Variants in SMYD3 observed in about 807,000 individuals in gnomAD.
The protein encoded by SMYD3 is histone-lysine N-methyltransferase SMYD3.
Under a neutral mutation model 57.7 loss-of-function variants are expected in SMYD3, and 36 were observed. That is an observed-to-expected ratio of 0.62 (90% CI 0.48 to 0.82). The LOEUF is 0.82. Ranked by LOEUF, SMYD3 falls within the 40% of genes least tolerant of loss-of-function variation. The pLI is 0.00. For synonymous variants in SMYD3, 211 were observed against 195.0 expected (o/e 1.08, Z -0.68); for missense variants, 515 against 538.8 (o/e 0.96, Z 0.44).
chr1:245,906,717 A>G (rs2054588316), intron 8 of SMYD3, among the ~76,000 whole-genome samples: 1 of 152,250 alleles, frequency 6.6e-6, no homozygotes, highest in African/African-American at 2.4e-5. Flanking sequence ...CACTGTTCAC[A>G]ATAGCTAAGA....
chr1:245,884,044 G>A (rs2052941404), intron 8 of SMYD3, among the ~76,000 whole-genome samples: 1 of 152,124 alleles, frequency 6.6e-6, no homozygotes, highest in Admixed American at 6.5e-5. Context: ...TCCAGAACTT[G>A]AGGATTAGGA....
intron 1 of SMYD3, among the ~76,000 whole-genome samples, chr1:246,373,323 G>C (rs1180663178): frequency 6.6e-6 from 1 of 152,118 alleles, no homozygotes; most frequent in Non-Finnish European, 1.5e-5. Flanking sequence ...AGGGCATAGA[G>C]AGAAGGACAG....
At chr1:246,316,283 A>G (rs1193332287) in intron 5 of SMYD3, among the ~76,000 whole-genome samples, 1 of 152,046 alleles carries the variant, frequency 6.6e-6, no homozygotes, top group Non-Finnish European at 1.5e-5. Context: ...GCTACTCAGG[A>G]GACTGAGGCA....
At chr1:245,868,750 C>T (rs781643856) in intron 8 of SMYD3, among the ~76,000 whole-genome samples, 3 of 152,170 alleles carry the variant, frequency 2.0e-5, no homozygotes, top group Non-Finnish European at 4.4e-5. Context: ...TGTTCCACTA[C>T]GGTAACTGCC....
chr1:245,909,658 A>G lies in SMYD3; in HGVS notation c.813+5872T>C, dbSNP rs902600558. On this transcript the variant is annotated intron_variant, in intron 8 of 11. Transcript: ENST00000490107. ...CTCAGGGATGGAAGGATGGTTGAAC[A>G]TATGTAAATCAATAAAGGTGATACA... Among the ~76,000 whole-genome samples the G allele has an allele frequency of 3.9e-5, 6 of 152,300 alleles. No homozygotes were observed. The South Asian group carries it at 1.2e-3, about 32-fold the overall frequency.
intron 8 of SMYD3, among the ~76,000 whole-genome samples, chr1:245,909,896 C>T (rs958368490): frequency 7.2e-5 from 11 of 152,182 alleles, no homozygotes; most frequent in South Asian, 6.2e-4. Context: ...TCCTTTACCA[C>T]GTGGAACAAG....
At chr1:246,049,128 A>G (rs1186608339) in intron 5 of SMYD3, among the ~76,000 whole-genome samples, 1 of 152,066 alleles carries the variant, frequency 6.6e-6, no homozygotes, top group East Asian at 1.9e-4. Context: ...AGCAAGTGTG[A>G]GCATGAGCCC....
intron 10 of SMYD3, among the ~76,000 whole-genome samples, chr1:245,823,085 G>A (rs764699843): frequency 1.3e-5 from 2 of 152,158 alleles, no homozygotes; most frequent in African/African-American, 2.4e-5. Flanking sequence ...CCCTGACGAG[G>A]GAGTGCTCAG....
At chr1:245,917,831 A>G (rs1455243003) in intron 7 of SMYD3, among the ~76,000 whole-genome samples, 1 of 152,358 alleles carries the variant, frequency 6.6e-6, no homozygotes, top group East Asian at 1.9e-4. Context: ...GCAAGAAGGC[A>G]GGATTATCCA....
chr1:246,059,195 T>A (rs574169878), intron 5 of SMYD3, among the ~76,000 whole-genome samples: 1 of 152,272 alleles, frequency 6.6e-6, no homozygotes, highest in South Asian at 2.1e-4. Flanking sequence ...ACATTTCTAA[T>A]GGACTGCAAA....
At chr1:246,457,368 T>C (rs914458118) in intron 1 of SMYD3, among the ~76,000 whole-genome samples, 9 of 151,078 alleles carry the variant, frequency 6.0e-5, no homozygotes, top group African/African-American at 2.2e-4. Flanking sequence ...CCCGTCTCTA[T>C]TAAAAATACA....
Position 246,267,511 on chromosome 1 carries a change from G to A in SMYD3, c.531+59690C>T, listed in dbSNP as rs190181501. Among the ~76,000 whole-genome samples, 343 of 152,174 alleles carry A rather than the reference G, an allele frequency of 2.3e-3. 6 individuals carry two copies. Among genetic ancestry groups the A allele is most frequent in the Non-Finnish European group, 6.6e-4 (45 of 68,016 alleles). On this transcript the variant is annotated intron_variant, in intron 5 of 11. Transcript: ENST00000490107. ...AAGTTTTCATTTGAACTTACTCCTC[G>A]TCCTCAAATGCCAGCAAACTGTTCC...
At chr1:245,996,138 T>C (rs770199216) in intron 5 of SMYD3, among the ~76,000 whole-genome samples, 6 of 152,200 alleles carry the variant, frequency 3.9e-5, no homozygotes, top group Non-Finnish European at 7.3e-5. Flanking sequence ...TAAATACATA[T>C]AGAGAAGCCA....
intron 5 of SMYD3, among the ~76,000 whole-genome samples, chr1:245,956,304 T>C (rs2057839088): frequency 6.6e-6 from 1 of 152,170 alleles, no homozygotes; most frequent in African/African-American, 2.4e-5. Flanking sequence ...ATAAACGAAT[T>C]TGAGAAGAAA....
intron 5 of SMYD3, among the ~76,000 whole-genome samples, chr1:246,293,205 C>A (rs893796275): frequency 4.0e-5 from 6 of 151,888 alleles, no homozygotes; most frequent in Admixed American, 2.6e-4. Flanking sequence ...AGTGGATGAT[C>A]TCTCCCTCTC....
At chr1:245,813,418 G>A (rs2048610362) in intron 10 of SMYD3, among the ~76,000 whole-genome samples, 1 of 152,110 alleles carries the variant, frequency 6.6e-6, no homozygotes, top group Non-Finnish European at 1.5e-5. Context: ...CACAGCAGCT[G>A]GCCTGAAGAT....
chr1:246,062,146 A>G (rs1203196732), intron 5 of SMYD3, among the ~76,000 whole-genome samples: 1 of 151,396 alleles, frequency 6.6e-6, no homozygotes, highest in East Asian at 1.9e-4. Context: ...ATCAGGAAAG[A>G]GCCTTAGTTC....
At chr1:246,312,925 G>A (rs1054887922) in intron 5 of SMYD3, among the ~76,000 whole-genome samples, 42 of 151,904 alleles carry the variant, frequency 2.8e-4, no homozygotes, top group African/African-American at 8.7e-4. Context: ...TTTGTTTTTC[G>A]TTTTTTTGAG....
Position 246,463,315 on chromosome 1 carries a change from A to T in SMYD3, c.164+43739T>A, listed in dbSNP as rs1318822891. Among the ~76,000 whole-genome samples, 3 of 152,202 alleles carry T rather than the reference A, an allele frequency of 2.0e-5. No individual in the cohort carries two copies. The East Asian group carries it at 5.8e-4, about 29-fold the overall frequency. On this transcript the variant is annotated intron_variant, in intron 1 of 11. Transcript: ENST00000490107. ...ATTTGAGAAACATTCTACTGCTGAAATCAACAGGATTGCAGTTATTAGGCT... is the reference window on the plus strand; with the variant it reads ...ATTTGAGAAACATTCTACTGCTGAATTCAACAGGATTGCAGTTATTAGGCT...
Sources: gnomAD v4.1 joint callset for allele counts (sites outside exome capture counted in the v4.1 genomes callset) on GRCh38, gnomAD v4.1.1 for gene constraint, MANE v1.5 for transcripts, NCBI Gene and HGNC (gene_info 2026-07-23, HGNC 2026-07-21) for gene names.